Variants in COL5A1 observed in about 807,000 individuals in gnomAD.
COL5A1 encodes collagen alpha-1(V) chain.
COL5A1 carries 16 observed loss-of-function variants against 263.7 expected under a neutral mutation model. The observed-to-expected ratio is 0.06, with a 90% confidence interval of 0.04 to 0.09. COL5A1 has a LOEUF of 0.09. Among genes scored for constraint, COL5A1 ranks in the 10% least tolerant of loss-of-function variants. The pLI, the probability that COL5A1 is intolerant of heterozygous loss-of-function variation, is 1.00. For synonymous variants in COL5A1, 1,012 were observed against 1,004.5 expected (o/e 1.01, Z -0.14); for missense variants, 2,036 against 2,540.5 (o/e 0.80, Z 4.27).
At position 134,829,584 on chromosome 9, in the gene COL5A1, T is replaced by C. The variant is rs1310921153; in HGVS notation, c.5068-392T>C. ...GAGGGCCCAGGCCGGGCTCCTCACG[T>C]GGCCTCCCTAAGGGCCGGGGCCAGG... On this transcript the variant is annotated intron_variant, in intron 63 of 65. Coordinates refer to ENST00000371817, the MANE Select transcript of COL5A1 (RefSeq NM_000093.5). 3.4e-3 allele frequency among the ~76,000 whole-genome samples: 415 copies of C among 123,386 alleles called. 22 individuals carry two copies. The highest frequency in any genetic ancestry group is 0.012 in the African/African-American group (379 of 31,130). 80.9% of individuals were successfully genotyped at this position (123,386 alleles called of 152,430 possible). A position where few individuals can be genotyped will look rare whatever the true frequency, so the allele number is the denominator to read the frequency against.
rs1044748316 is a variant in COL5A1, at chr9:134,754,402, C to G, written c.1827+76C>G. ...GGAGCCCAAATCTGGGGTGCGGGCA[C>G]CCCCAACAGCCAGCTGGGCCACATG... On this transcript the variant is annotated intron_variant, in intron 16 of 65. Transcript: ENST00000371817. The surrounding 1 kb of genome is among the most constrained non-coding windows in gnomAD (Gnocchi z 4.3). 4 of 1,527,368 alleles carry G rather than the reference C, an allele frequency of 2.6e-6. No homozygotes were observed. The highest frequency in any genetic ancestry group is 1.7e-5 in the Admixed American group (1 of 59,860). 94.6% of individuals were successfully genotyped at this position (1,527,368 alleles called of 1,614,324 possible). A position where few individuals can be genotyped will look rare whatever the true frequency, so the allele number is the denominator to read the frequency against.
chr9:134,735,622 G>A (rs1036876400), intron 9 of COL5A1, among the ~76,000 whole-genome samples: 15 of 152,302 alleles, frequency 9.8e-5, no homozygotes, highest in African/African-American at 3.1e-4. Context: ...CCCCGCCCGC[G>A]TTGCCCCAGT....
intron 6 of COL5A1, 31 bp from the exon 7 acceptor site, chr9:134,730,205 G>T: frequency 6.2e-7 from 1 of 1,610,988 alleles, no homozygotes. Flanking sequence ...CCTCCGCCCT[G>T]ACTCCAGCTG....
At chr9:134,767,610 C>T (rs770724283) in intron 24 of COL5A1, among the ~76,000 whole-genome samples, 8 of 152,204 alleles carry the variant, frequency 5.3e-5, no homozygotes, top group Non-Finnish European at 7.3e-5. Context: ...TAGCAAGGAA[C>T]AAAAATACAG....
chr9:134,713,100 T>C lies in COL5A1; in HGVS notation c.654+11767T>C, dbSNP rs77659273. Among the ~76,000 whole-genome samples the C allele has an allele frequency of 9.2e-3, 1,409 of 152,366 alleles. 18 individuals are homozygous for C. The highest frequency in any genetic ancestry group is 0.028 in the African/African-American group (1,152 of 41,588). On this transcript the variant is annotated intron_variant, in intron 4 of 65. Coordinates refer to ENST00000371817, the MANE Select transcript of COL5A1 (RefSeq NM_000093.5). ...TGTGTTTGGAAATACTTTTTGGAGC[T>C]GAGAAGTGCAGGTTTTCCTGCGAGC...
At chr9:134,840,984 G>T (rs1376465023) in intron 65 of COL5A1, among the ~76,000 whole-genome samples, 1 of 152,234 alleles carries the variant, frequency 6.6e-6, no homozygotes, top group Non-Finnish European at 1.5e-5. Context: ...CAGAATACCG[G>T]GAGAGCTGGA....
intron 4 of COL5A1, among the ~76,000 whole-genome samples, chr9:134,710,851 A>G (rs1295173118): frequency 2.1e-5 from 1 of 47,584 alleles, no homozygotes; most frequent in Admixed American, 3.3e-4. Flanking sequence ...GTGGTGGGGG[A>G]GGGGCCCCAT....
intron 62 of COL5A1, 27 bp downstream of exon 62, chr9:134,824,882 C>G (rs759197362): frequency 1.2e-5 from 19 of 1,595,102 alleles, no homozygotes; most frequent in Non-Finnish European, 1.4e-5. Flanking sequence ...GCAGGGGTGG[C>G]CCCCCAAAGC....
intron 29 of COL5A1, 34 bp from the exon 30 acceptor site, chr9:134,784,955 G>GGGGGC (rs376936600): frequency 4.3e-5 from 64 of 1,501,978 alleles, no homozygotes; most frequent in Non-Finnish European, 5.4e-5. Context: ...TGTGCGGGGG[G>GGGGGC]TGGTCTTCTC....
intron 59 of COL5A1, chr9:134,822,795 A>G (rs565840903): frequency 5.2e-5 from 35 of 668,392 alleles, no homozygotes; most frequent in Non-Finnish European, 8.5e-5. Context: ...AGGTAGGACC[A>G]CCCTGTGTCT....
chr9:134,739,700 G>A (rs116634404), intron 11 of COL5A1, among the ~76,000 whole-genome samples: 128 of 152,272 alleles, frequency 8.4e-4, no homozygotes, highest in African/African-American at 3.0e-3. Context: ...CAGGAAAGGC[G>A]GGCCAGGGCG....
At chr9:134,815,450 C>A in intron 50 of COL5A1, 126 bp from the exon 51 acceptor site, 1 of 953,192 alleles carries the variant, frequency 1.0e-6, no homozygotes, top group Non-Finnish European at 1.7e-6. Flanking sequence ...GTTGTCGGAA[C>A]TGCTGGAAAG....
In COL5A1 at chr9:134,682,704, GAA is replaced by G. The variant is rs1832898186; in HGVS notation, c.110-8205_110-8204del. On this transcript the variant is annotated intron_variant, in intron 1 of 65. Coordinates refer to ENST00000371817, the MANE Select transcript of COL5A1 (RefSeq NM_000093.5). This position sits in a 1 kb window ranked among gnomAD's most constrained non-coding sequence, Gnocchi z 5.1. ...GGGGCACCGGGACGGGGGAGCTGAGGAAAAGTCACCCCCAAGTGACCACGAGT... is the reference window on the plus strand; with the variant it reads ...GGGGCACCGGGACGGGGGAGCTGAGGAAGTCACCCCCAAGTGACCACGAGT... 6.6e-6 allele frequency among the ~76,000 whole-genome samples: 1 copy of G among 152,162 alleles called. No homozygotes were observed.
rs765839116 is a variant in COL5A1, at chr9:134,752,613, C to T, written c.1687C>T (p.Pro563Ser). 1.2e-6 allele frequency: 2 copies of T among 1,613,510 alleles called. No individual in the cohort carries two copies. Among genetic ancestry groups the T allele is most frequent in the South Asian group, 1.1e-5 (1 of 91,066 alleles). Reference protein sequence around the residue: ...ARLALRGPAGPMGLTGRPGPV... With the variant: ...ARLALRGPAGSMGLTGRPGPV... ...GTTGGCACTGAGGGGACCAGCTGGC[C>T]CGATGGGTCTCACAGGGAGACCTGG... The change falls in exon 14 of 66, where the codon CCG becomes TCG. Residue 563 changes from proline to serine, a missense_variant. This residue lies in a region of COL5A1 where 1,078 missense variants were observed against 1,521.4 expected (regional missense o/e 0.71). Transcript: ENST00000371817.
chr9:134,738,530 T>G lies in COL5A1; in HGVS notation c.1431+15T>G. On this transcript the variant is annotated intron_variant, in intron 10 of 65. Coordinates refer to ENST00000371817, the MANE Select transcript of COL5A1 (RefSeq NM_000093.5). ...AAGGCCCCGCGGTGAGTATCCGGCT[T>G]TATCCTGTGACTTGCAGAAGGTGCT... is the stretch of plus-strand genomic sequence containing the variant. 1.2e-6 allele frequency: 2 copies of G among 1,613,950 alleles called. No individual in the cohort carries two copies. The highest frequency in any genetic ancestry group is 1.7e-6 in the Non-Finnish European group (2 of 1,179,996).
chr9:134,829,645 CCCGG>C (rs1839508093), intron 63 of COL5A1, among the ~76,000 whole-genome samples: 1 of 146,576 alleles, frequency 6.8e-6, no homozygotes, highest in Non-Finnish European at 1.5e-5. Flanking sequence ...CCCCGAGGGC[CCCGG>C]CCAGGCTCAT....
At chr9:134,675,434 GTTAT>G (rs1832658986) in intron 1 of COL5A1, among the ~76,000 whole-genome samples, 1 of 152,182 alleles carries the variant, frequency 6.6e-6, no homozygotes, top group Non-Finnish European at 1.5e-5. Flanking sequence ...AACATCGAAT[GTTAT>G]TTATTTGTTC....
chr9:134,811,667 C>G (rs1838531176), intron 46 of COL5A1, 68 bp downstream of exon 46: 7 of 1,293,838 alleles, frequency 5.4e-6, no homozygotes, highest in Non-Finnish European at 6.6e-6. Context: ...TCATTGTGCT[C>G]TCTCCTCTTG....
Position 134,811,374 on chromosome 9 carries a change from C to A in COL5A1, c.3564C>A (p.Ile1188=), listed in dbSNP as rs766961124. 70 of 1,613,870 alleles carry A rather than the reference C, an allele frequency of 4.3e-5. No homozygotes were observed. The highest frequency in any genetic ancestry group is 1.6e-5 in the Non-Finnish European group (19 of 1,179,960). The change falls in exon 45 of 66, where the codon ATC becomes ATA. Residue 1188 remains isoleucine (I), a synonymous_variant. Transcript: ENST00000371817. ...PPGPTGPQGP[I]GQPGPSGADG... ...GGCCTACAGGTCCTCAAGGCCCCAT[C>A]GGACAGCCAGGCCCCTCTGTGAGTA...
Sources: allele counts gnomAD v4.1 joint callset (sites outside exome capture counted in the v4.1 genomes callset), GRCh38; gene constraint gnomAD v4.1.1; regional missense constraint gnomAD v4.1.1; non-coding constraint Gnocchi (gnomAD v3.1); transcripts MANE v1.5; gene names NCBI Gene and HGNC (gene_info 2026-07-23, HGNC 2026-07-21).